MSANTD5: variants seen among roughly 807,000 people sequenced by gnomAD.
MSANTD5 encodes uncharacterized protein MSANTD5.
At chr5:178,693,527 C>T (rs750587914), downstream of MSANTD5, among the ~76,000 whole-genome samples, 13 of 152,098 alleles carry the variant, frequency 8.5e-5, no homozygotes, top group African/African-American at 2.4e-4. Context: ...ACCTTCACCG[C>T]GGGTGTTATA....
chr5:178,695,802 T>G (rs1765406794), intron 2 of MSANTD5, among the ~76,000 whole-genome samples: 1 of 152,194 alleles, frequency 6.6e-6, no homozygotes, highest in South Asian at 2.1e-4. Context: ...AGGAAACATC[T>G]GAGAGCCTGG....
At chr5:178,698,080 C>T (rs1765438283), upstream of MSANTD5, among the ~76,000 whole-genome samples, 1 of 152,138 alleles carries the variant, frequency 6.6e-6, no homozygotes, top group African/African-American at 2.4e-5. Context: ...GGTTTGACCT[C>T]TGAGGATTAA....
the MSANTD5 span, among the ~76,000 whole-genome samples, chr5:178,703,456 A>G: frequency 6.6e-6 from 1 of 152,188 alleles, no homozygotes; most frequent in African/African-American, 2.4e-5. Context: ...TTCAAGCCTA[A>G]TGGTCCAGTA....
upstream of MSANTD5, among the ~76,000 whole-genome samples, chr5:178,699,210 T>A (rs1328298738): frequency 6.6e-6 from 1 of 152,228 alleles, no homozygotes; most frequent in Non-Finnish European, 1.5e-5. Flanking sequence ...ATAGAAACTT[T>A]AGGCACCTCA....
the MSANTD5 span, among the ~76,000 whole-genome samples, chr5:178,704,639 C>T: frequency 5.3e-4 from 80 of 152,314 alleles, no homozygotes; most frequent in South Asian, 5.4e-3. Context: ...AAATAGTTGT[C>T]AACAGAAGAG....
At chr5:178,703,419 C>T in the MSANTD5 span, among the ~76,000 whole-genome samples, 3 of 152,172 alleles carry the variant, frequency 2.0e-5, no homozygotes, top group African/African-American at 7.2e-5. Flanking sequence ...CTTTCTAGGG[C>T]CCCTCTCTAG....
At chr5:178,691,772 C>A (rs1189260094), downstream of MSANTD5, among the ~76,000 whole-genome samples, 2 of 136,546 alleles carry the variant, frequency 1.5e-5, 1 homozygote, top group African/African-American at 5.2e-5. Flanking sequence ...ATGCAGATGG[C>A]AAATAGGCAT....
At chr5:178,698,340 G>C (rs779270396), upstream of MSANTD5, among the ~76,000 whole-genome samples, 2 of 152,214 alleles carry the variant, frequency 1.3e-5, no homozygotes, top group Admixed American at 6.5e-5. Flanking sequence ...GTAAGTGACG[G>C]TGGGGACGGA....
intron 3 of MSANTD5, 112 bp downstream of exon 3, chr5:178,695,175 G>C (rs963466682): frequency 6.6e-6 from 1 of 152,224 alleles, no homozygotes; most frequent in Non-Finnish European, 1.5e-5. Flanking sequence ...CTCTGGGCAG[G>C]GGCCTGTCCC....
At chr5:178,701,908 T>G (rs1765488614), upstream of MSANTD5, among the ~76,000 whole-genome samples, 1 of 150,910 alleles carries the variant, frequency 6.6e-6, no homozygotes, top group Admixed American at 6.6e-5. Context: ...TAATTTTGTA[T>G]TTTTAGTAGA....
At chr5:178,701,787 C>T (rs1765487156), upstream of MSANTD5, among the ~76,000 whole-genome samples, 1 of 147,572 alleles carries the variant, frequency 6.8e-6, no homozygotes, top group African/African-American at 2.5e-5. Flanking sequence ...CTCTTTTTGT[C>T]CAGGCTGGAG....
At chr5:178,692,535 G>A (rs760338440), downstream of MSANTD5, among the ~76,000 whole-genome samples, 10 of 151,908 alleles carry the variant, frequency 6.6e-5, no homozygotes, top group East Asian at 1.9e-4. Flanking sequence ...GAAACATCCC[G>A]GATGTCATCC....
chr5:178,703,144 A>C, the MSANTD5 span, among the ~76,000 whole-genome samples: 1 of 152,252 alleles, frequency 6.6e-6, no homozygotes, highest in Non-Finnish European at 1.5e-5. Context: ...AGGAGAGGCC[A>C]GGCCAGGTCC....
intron 1 of MSANTD5, among the ~76,000 whole-genome samples, chr5:178,696,522 A>G (rs1227107732): frequency 6.6e-6 from 1 of 152,066 alleles, no homozygotes; most frequent in Non-Finnish European, 1.5e-5. Context: ...CACTGCGACC[A>G]GCCCCCCTTG....
the MSANTD5 span, among the ~76,000 whole-genome samples, chr5:178,703,842 A>T: frequency 6.6e-6 from 1 of 151,878 alleles, no homozygotes; most frequent in African/African-American, 2.4e-5. Context: ...TTAGCTGGGC[A>T]TGGTGGCGCG....
the MSANTD5 span, among the ~76,000 whole-genome samples, chr5:178,705,407 A>T: frequency 6.6e-6 from 1 of 151,988 alleles, no homozygotes; most frequent in Non-Finnish European, 1.5e-5. Flanking sequence ...TTGCTCTGTG[A>T]GCTCAGGCAC....
At chr5:178,705,268 G>A in the MSANTD5 span, among the ~76,000 whole-genome samples, 710 of 152,052 alleles carry the variant, frequency 4.7e-3, 7 homozygotes, top group African/African-American at 0.016. Flanking sequence ...GGATGGTCTC[G>A]ATCTCCTGAC....
chr5:178,692,358 T>C (rs2113850315), downstream of MSANTD5, among the ~76,000 whole-genome samples: 1 of 142,110 alleles, frequency 7.0e-6, no homozygotes, highest in African/African-American at 2.7e-5. Context: ...CTAGCCTGGA[T>C]GACAGAGCAA....
intron 1 of MSANTD5, among the ~76,000 whole-genome samples, chr5:178,697,289 C>T (rs369999884): frequency 1.4e-4 from 19 of 136,276 alleles, no homozygotes; most frequent in African/African-American, 5.8e-4. Context: ...CCCGTCTCTA[C>T]TAAAAATACA....
Sources: allele counts gnomAD v4.1 joint callset (sites outside exome capture counted in the v4.1 genomes callset), GRCh38; gene constraint gnomAD v4.1.1; transcripts MANE v1.5; gene names NCBI Gene and HGNC (gene_info 2026-07-23, HGNC 2026-07-21).